HROB: variants seen among roughly 807,000 people sequenced by gnomAD.
HROB encodes homologous recombination OB-fold protein.
HROB carries 44 observed loss-of-function variants against 61.0 expected under a neutral mutation model. That is an observed-to-expected ratio of 0.72 (90% confidence interval 0.57 to 0.93). The LOEUF (loss-of-function observed/expected upper bound fraction) is 0.93. Ranked by LOEUF, HROB falls within the 40% of genes least tolerant of loss-of-function variation. HROB has a pLI of 0.00. For missense variants in HROB, 716 were observed against 796.2 expected, an observed-to-expected ratio of 0.90 and a Z score of 1.21; for synonymous variants, 301 against 310.4, an observed-to-expected ratio of 0.97 and a Z score of 0.32.
chr17:44,144,781 C>T (rs920706410), intron 1 of HROB, among the ~76,000 whole-genome samples: 8 of 150,762 alleles, frequency 5.3e-5, no homozygotes, highest in African/African-American at 2.0e-4. Flanking sequence ...ACTCTGTCGC[C>T]CAGGCTGGAG....
intron 2 of HROB, among the ~76,000 whole-genome samples, chr17:44,147,030 T>TGG (rs756606275): frequency 9.2e-6 from 1 of 108,294 alleles, no homozygotes; most frequent in Non-Finnish European, 1.7e-5. Context: ...CTCTGTGTAG[T>TGG]GTGTGTGTGT....
intron 1 of HROB, among the ~76,000 whole-genome samples, chr17:44,144,531 C>T (rs1175472345): frequency 6.6e-6 from 1 of 152,030 alleles, no homozygotes; most frequent in African/African-American, 2.4e-5. Flanking sequence ...CAGCTTTGGC[C>T]TCCCAAAGTG....
chr17:44,146,243 T>C (rs1240953575), intron 2 of HROB, among the ~76,000 whole-genome samples: 2 of 152,096 alleles, frequency 1.3e-5, no homozygotes, highest in Non-Finnish European at 2.9e-5. Context: ...AGAGACAGGG[T>C]CTTACTAAGT....
intron 5 of HROB, 198 bp from the exon 6 acceptor site, chr17:44,154,358 A>C (rs756150562): frequency 2.7e-4 from 149 of 560,428 alleles, no homozygotes; most frequent in South Asian, 5.0e-4. Flanking sequence ...GAACGGAGGC[A>C]GGGGAGAGAA....
chr17:44,157,590 T>C (rs2054010547), intron 8 of HROB, among the ~76,000 whole-genome samples: 1 of 151,942 alleles, frequency 6.6e-6, no homozygotes, highest in Non-Finnish European at 1.5e-5. Context: ...TGTTTTTGTA[T>C]TTTTAGTAGA....
intron 5 of HROB, among the ~76,000 whole-genome samples, chr17:44,154,112 G>A (rs981582472): frequency 6.6e-6 from 1 of 151,880 alleles, no homozygotes; most frequent in African/African-American, 2.4e-5. Flanking sequence ...GGGAGGCCGA[G>A]GTGGGTGGAT....
chr17:44,145,059 C>T, intron 1 of HROB, 144 bp from the exon 2 acceptor site: 2 of 865,240 alleles, frequency 2.3e-6, no homozygotes, highest in Non-Finnish European at 3.7e-6. Context: ...TCTTCTCATT[C>T]CTTAGTCCTT....
intron 9 of HROB, among the ~76,000 whole-genome samples, chr17:44,158,236 G>T (rs1395658553): frequency 6.6e-5 from 10 of 152,090 alleles, no homozygotes; most frequent in Non-Finnish European, 4.4e-5. Context: ...ATGGACAGGC[G>T]CTATCTTTGT....
rs199551211 is a variant in HROB, at chr17:44,151,001, C to G, written c.1265C>G (p.Pro422Arg). ...RSLEDIMVSA[P>R]QTPTHGALAK... ...CTGGAGGACATCATGGTTTCCGCGC[C>G]CCAAACTCCAACCCATGGTGCTCTG... Residue 422 changes from proline (P) to arginine (R), a missense_variant, in exon 4 of 10, where the codon CCC becomes CGC. By Grantham distance (103) the Pro-to-Arg change is moderately radical. Transcript: ENST00000585683. The G allele has an allele frequency of 9.3e-6, 15 of 1,613,346 alleles. No homozygotes were observed. In the East Asian group the frequency reaches 2.9e-4, roughly 31 times the overall value.
At chr17:44,155,637 C>T (rs1354380762) in intron 8 of HROB, among the ~76,000 whole-genome samples, 1 of 152,148 alleles carries the variant, frequency 6.6e-6, no homozygotes, top group Non-Finnish European at 1.5e-5. Context: ...TTGGTGATCC[C>T]TGAGCATCTG....
At position 44,142,102 on chromosome 17, in the gene HROB, T is replaced by A. The variant is rs1423839246; in HGVS notation, c.-41T>A. ...CCCCGGCGACTCCCCGGACTCGGGG[T>A]GCCGGGCCAACCTCCCCGCCGAGGC... On this transcript the variant is annotated 5_prime_UTR_variant, in exon 1 of 10. Transcript: ENST00000585683. The A allele has an allele frequency of 5.2e-6, 8 of 1,530,284 alleles. No homozygotes were observed. In the East Asian group the frequency reaches 1.8e-4, roughly 34 times the overall value. 94.8% of individuals were successfully genotyped at this position (1,530,284 alleles called of 1,614,324 possible). A position where few individuals can be genotyped will look rare whatever the true frequency, so the allele number is the denominator to read the frequency against.
Position 44,145,272 on chromosome 17 carries a change from T to A in HROB, c.54+19T>A, listed in dbSNP as rs1567711443. 6.2e-7 allele frequency: 1 copy of A among 1,613,466 alleles called. No individual in the cohort carries two copies. The highest frequency in any genetic ancestry group is 2.2e-5 in the East Asian group (1 of 44,858). ...AGATGAGGTAGGGAAGTGTTGATGA[T>A]CAGAGGTGGCAGACGAGGTCTTAAA... On this transcript the variant is annotated intron_variant, in intron 2 of 9. Coordinates refer to ENST00000585683, the MANE Select transcript of HROB (RefSeq NM_001171251.3).
intron 8 of HROB, among the ~76,000 whole-genome samples, chr17:44,157,202 G>C (rs1440584588): frequency 1.3e-5 from 2 of 152,104 alleles, no homozygotes; most frequent in Non-Finnish European, 2.9e-5. Context: ...ATGTATTTCT[G>C]AATGGCCTCT....
rs2053468496 is a variant in HROB, at chr17:44,142,282, C to T, written c.3+137C>T. On this transcript the variant is annotated intron_variant, in intron 1 of 9. Transcript: ENST00000585683. ...GTGGGGGTTCGGCGGAGTCGGGAGA[C>T]CTGGGCTGTCGTCAGGGCTTGTCAT... 4 of 1,153,158 alleles carry T rather than the reference C, an allele frequency of 3.5e-6. No individual in the cohort carries two copies. The African/African-American group carries it at 4.9e-5, about 14-fold the overall frequency. 71.4% of individuals were successfully genotyped at this position (1,153,158 alleles called of 1,614,324 possible).
intron 3 of HROB, among the ~76,000 whole-genome samples, chr17:44,150,716 CCCTTCAGGCAGCCCTGGTTTTTGCA>C (rs1213822003): frequency 2.6e-5 from 4 of 152,170 alleles, no homozygotes; most frequent in Non-Finnish European, 5.9e-5. Context: ...GGTCACTGCC[CCCTTCAGGCAGCCCTGGTTTTTGCA>C]CCTGGGCGAG....
chr17:44,144,081 A>C (rs1245278573), intron 1 of HROB, among the ~76,000 whole-genome samples: 1 of 150,360 alleles, frequency 6.7e-6, no homozygotes, highest in Non-Finnish European at 1.5e-5. Context: ...GGGTTCAAGC[A>C]ATTCTCCTGC....
chr17:44,155,458 G>T (rs2053945353), intron 8 of HROB, 47 bp downstream of exon 8: 2 of 1,604,260 alleles, frequency 1.2e-6, no homozygotes, highest in African/African-American at 2.7e-5. Flanking sequence ...CCCTCCTTCT[G>T]CCTGGATCTT....
chr17:44,154,897 C>G lies in HROB; in HGVS notation c.1603C>G (p.Gln535Glu), dbSNP rs1353028344. The change falls in exon 7 of 10, where the codon CAG becomes GAG. Residue 535 changes from glutamine (Q) to glutamate (E), a missense_variant. Physicochemically the swap from Gln to Glu is conservative, Grantham distance 29. Coordinates refer to ENST00000585683, the MANE Select transcript of HROB (RefSeq NM_001171251.3). Reference protein sequence around the residue: ...TVHRLLLETCQNELKPGSVLL... With the variant: ...TVHRLLLETCENELKPGSVLL... ...GCACAGGTTGCTGCTGGAGACGTGC[C>G]AGAATGAGCTGAAGCCTGGCTCAGT... is the stretch of plus-strand genomic sequence containing the variant. 2 of 1,614,036 alleles carry G rather than the reference C, an allele frequency of 1.2e-6. No homozygotes were observed. The highest frequency in any genetic ancestry group is 4.5e-5 in the East Asian group (2 of 44,874).
intron 3 of HROB, among the ~76,000 whole-genome samples, chr17:44,149,957 G>A (rs1432272089): frequency 6.6e-6 from 1 of 152,214 alleles, no homozygotes; most frequent in Admixed American, 6.5e-5. Context: ...CAGGTGTGTG[G>A]CGGAGCGGGC....
Sources: allele counts gnomAD v4.1 joint callset (sites outside exome capture counted in the v4.1 genomes callset), GRCh38; gene constraint gnomAD v4.1.1; transcripts MANE v1.5; gene names NCBI Gene and HGNC (gene_info 2026-07-23, HGNC 2026-07-21).